IMPA1: variants seen among roughly 807,000 people sequenced by gnomAD.
IMPA1 encodes the protein inositol monophosphatase 1.
Under a neutral mutation model 34.9 loss-of-function variants are expected in IMPA1, and 21 were observed. The ratio of observed to expected loss-of-function variants is 0.60; its 90% CI spans 0.43 to 0.87. The LOEUF is 0.87. Ranked by LOEUF, IMPA1 falls within the 40% of genes least tolerant of loss-of-function variation. IMPA1 has a pLI of 0.00. For synonymous variants in IMPA1, 95 were observed against 104.4 expected, an observed-to-expected ratio of 0.91 and a Z score of 0.55; for missense variants, 299 against 336.4, an observed-to-expected ratio of 0.89 and a Z score of 0.87.
At chr8:81,685,615 ATACAT>A (rs1807492003) in intron 1 of IMPA1, 1 of 228,676 alleles carries the variant, frequency 4.4e-6, no homozygotes, top group South Asian at 1.7e-4. Flanking sequence ...TATATATACT[ATACAT>A]AAGTATATTT....
Position 81,657,539 on chromosome 8 carries a change from C to T in IMPA1, c.*1812G>A, listed in dbSNP as rs1184323339. On this transcript the variant is annotated 3_prime_UTR_variant, in exon 9 of 9. Coordinates refer to ENST00000256108, the MANE Select transcript of IMPA1 (RefSeq NM_005536.4). ...GAGACTGCAATGAATGGTGATCATGCCACTGCATTACTGTTTGAGCAGAAG... is the reference window on the plus strand; with the variant it reads ...GAGACTGCAATGAATGGTGATCATGTCACTGCATTACTGTTTGAGCAGAAG... Among the ~76,000 whole-genome samples, 1 of 152,044 alleles carries T rather than the reference C, an allele frequency of 6.6e-6. No homozygotes were observed. Among genetic ancestry groups the T allele is most frequent in the South Asian group, 2.1e-4 (1 of 4,824 alleles).
intron 7 of IMPA1, 71 bp from the exon 8 acceptor site, chr8:81,660,738 CACTTT>C: frequency 7.8e-7 from 1 of 1,276,920 alleles, no homozygotes; most frequent in South Asian, 1.5e-5. Context: ...TCCTTAACTT[CACTTT>C]AAGTGTCGAT....
At chr8:81,665,455 AAAAG>A (rs932886065) in intron 7 of IMPA1, among the ~76,000 whole-genome samples, 6 of 152,292 alleles carry the variant, frequency 3.9e-5, no homozygotes, top group Non-Finnish European at 7.4e-5. Context: ...GAAAAGCAAT[AAAAG>A]AAAGAAGTAA....
At chr8:81,670,218 A>C (rs1024656741) in intron 7 of IMPA1, among the ~76,000 whole-genome samples, 2 of 152,238 alleles carry the variant, frequency 1.3e-5, no homozygotes, top group Non-Finnish European at 2.9e-5. Flanking sequence ...ATACAAGCAA[A>C]TTACAGAATT....
At chr8:81,677,059 T>G (rs977188682) in intron 4 of IMPA1, among the ~76,000 whole-genome samples, 29 of 152,086 alleles carry the variant, frequency 1.9e-4, no homozygotes, top group African/African-American at 6.5e-4. Context: ...CTGTAAAAAC[T>G]TTTAAATCGA....
In IMPA1 at chr8:81,658,396, C is replaced by T. The variant is rs1058401; in HGVS notation, c.*955G>A. 0.33 allele frequency: 50,434 copies of T among 152,028 alleles called. 8,922 individuals are homozygous for T. Among genetic ancestry groups the T allele is most frequent in the East Asian group, 0.72 (3,722 of 5,174 alleles). 9.4% of individuals were successfully genotyped at this position (152,028 alleles called of 1,614,324 possible). On this transcript the variant is annotated 3_prime_UTR_variant, in exon 9 of 9. Coordinates refer to ENST00000256108, the MANE Select transcript of IMPA1 (RefSeq NM_005536.4). ...ATAAGAAGACTAAGAGAAAAATAAACAGTTCAATATTAACAATACAGTATA... is the reference window on the plus strand; with the variant it reads ...ATAAGAAGACTAAGAGAAAAATAAATAGTTCAATATTAACAATACAGTATA...
chr8:81,669,786 C>T (rs1282859565), intron 7 of IMPA1, among the ~76,000 whole-genome samples: 3 of 152,138 alleles, frequency 2.0e-5, no homozygotes, highest in African/African-American at 7.2e-5. Flanking sequence ...ATGTTTGTTC[C>T]CTCCAAAACT....
At chr8:81,668,103 G>A (rs61365650) in intron 7 of IMPA1, among the ~76,000 whole-genome samples, 20 of 152,270 alleles carry the variant, frequency 1.3e-4, no homozygotes, top group African/African-American at 3.8e-4. Context: ...GATTACAGGC[G>A]TGAGCCACCA....
intron 7 of IMPA1, among the ~76,000 whole-genome samples, chr8:81,666,822 A>G (rs1806838476): frequency 7.4e-6 from 1 of 134,232 alleles, no homozygotes; most frequent in African/African-American, 2.7e-5. Context: ...GTGAACCGAG[A>G]TTGTGCCACT....
At chr8:81,682,632 CT>C (rs145337231) in intron 1 of IMPA1, among the ~76,000 whole-genome samples, 25 of 150,248 alleles carry the variant, frequency 1.7e-4, no homozygotes, top group South Asian at 1.1e-3. Flanking sequence ...TGTTTCCAAA[CT>C]TTTTTTTTTC....
chr8:81,674,000 C>CT (rs759615303), intron 5 of IMPA1, 51 bp from the exon 6 acceptor site: 1 of 1,104,918 alleles, frequency 9.1e-7, no homozygotes, highest in Non-Finnish European at 1.4e-6. Context: ...GTTTCATCCA[C>CT]TTTTTTCTAA....
intron 4 of IMPA1, among the ~76,000 whole-genome samples, chr8:81,678,843 C>T (rs73283092): frequency 0.019 from 2,930 of 152,246 alleles, 92 homozygotes; most frequent in African/African-American, 0.066. Flanking sequence ...ATGTTGTTTG[C>T]TTCCCTTTTT....
intron 7 of IMPA1, among the ~76,000 whole-genome samples, chr8:81,669,324 G>A (rs937337249): frequency 6.6e-6 from 1 of 152,208 alleles, no homozygotes; most frequent in Non-Finnish European, 1.5e-5. Flanking sequence ...ACCTTGGAAA[G>A]CTTCAGGCAC....
intron 1 of IMPA1, among the ~76,000 whole-genome samples, chr8:81,682,104 G>A (rs1442239713): frequency 2.0e-5 from 3 of 151,906 alleles, no homozygotes; most frequent in Non-Finnish European, 2.9e-5. Flanking sequence ...TGATTTTAAA[G>A]TCCATTTTTC....
chr8:81,663,930 T>G (rs968437175), intron 7 of IMPA1, among the ~76,000 whole-genome samples: 9 of 151,928 alleles, frequency 5.9e-5, no homozygotes, highest in Non-Finnish European at 1.0e-4. Flanking sequence ...TCCCAGCTAC[T>G]CCAGAGACAA....
chr8:81,670,551 A>C (rs1441961862), intron 7 of IMPA1, among the ~76,000 whole-genome samples: 4 of 152,188 alleles, frequency 2.6e-5, no homozygotes, highest in African/African-American at 7.2e-5. Context: ...ATTAATTATA[A>C]GAGTCTATCT....
intron 1 of IMPA1, among the ~76,000 whole-genome samples, chr8:81,685,273 T>TATAGTATATATAGTATATATACTATAC (rs1563593294): frequency 7.8e-6 from 1 of 128,658 alleles, no homozygotes; most frequent in Non-Finnish European, 1.5e-5. Context: ...AGATACTATA[T>TATAGTATATATAGTATATATACTATAC]ATAGTATATA....
rs1264104999 is a variant in IMPA1, at chr8:81,657,963, G to A, written c.*1388C>T. 1 of 152,004 alleles carries A rather than the reference G, an allele frequency of 6.6e-6. No individual in the cohort carries two copies. Among genetic ancestry groups the A allele is most frequent in the Non-Finnish European group, 1.5e-5 (1 of 67,998 alleles). The allele number at this position is 152,004 out of a possible 1,614,324, so 9.4% of individuals were successfully genotyped here. On this transcript the variant is annotated 3_prime_UTR_variant, in exon 9 of 9. Transcript: ENST00000256108. ...ATAATAATAAAAATATCAATTTAAAGTTTTATTCATGATCGTCTTATTAAA... is the reference window on the plus strand; with the variant it reads ...ATAATAATAAAAATATCAATTTAAAATTTTATTCATGATCGTCTTATTAAA...
intron 5 of IMPA1, chr8:81,674,500 C>A: frequency 4.0e-6 from 1 of 250,908 alleles, no homozygotes; most frequent in Non-Finnish European, 7.9e-6. Context: ...AGAGTATCAA[C>A]AAACTTTCTT....
Sources: allele counts gnomAD v4.1 joint callset (sites outside exome capture counted in the v4.1 genomes callset), GRCh38; gene constraint gnomAD v4.1.1; transcripts MANE v1.5; gene names NCBI Gene and HGNC (gene_info 2026-07-23, HGNC 2026-07-21).